Variants in DGLUCY observed in about 807,000 individuals in gnomAD.
The protein encoded by DGLUCY is D-glutamate cyclase, mitochondrial.
Under a neutral mutation model 58.5 loss-of-function variants are expected in DGLUCY, and 58 were observed. That is an observed-to-expected ratio of 0.99 (90% CI 0.80 to 1.23). The LOEUF is 1.23. Among genes scored for constraint, DGLUCY ranks in the 50% most tolerant of loss-of-function variants. The pLI is 0.00. For synonymous variants in DGLUCY, 325 were observed against 314.1 expected (o/e 1.03, Z -0.37); for missense variants, 779 against 784.7 (o/e 0.99, Z 0.09).
At chr14:91,150,608 T>G (rs1016813635) in intron 1 of DGLUCY, among the ~76,000 whole-genome samples, 1 of 151,938 alleles carries the variant, frequency 6.6e-6, no homozygotes, top group African/African-American at 2.4e-5. Flanking sequence ...TGCCAGCTAA[T>G]TTTTTTAGTT....
At chr14:91,207,492 A>G (rs1171418215) in intron 12 of DGLUCY, among the ~76,000 whole-genome samples, 2 of 152,230 alleles carry the variant, frequency 1.3e-5, no homozygotes, top group Non-Finnish European at 2.9e-5. Context: ...TTTCCCCCAT[A>G]TTAATGTCAG....
At chr14:91,104,692 T>C (rs985771555), upstream of DGLUCY, among the ~76,000 whole-genome samples, 22 of 152,196 alleles carry the variant, frequency 1.4e-4, no homozygotes, top group Admixed American at 1.3e-3. Context: ...AGGTTCCTCC[T>C]CTGCCTGACT....
At chr14:91,127,113 G>T (rs1166095066) in intron 1 of DGLUCY, among the ~76,000 whole-genome samples, 2 of 136,736 alleles carry the variant, frequency 1.5e-5, no homozygotes, top group East Asian at 4.3e-4. Context: ...CTGAAGTGCA[G>T]TGGCACAAGT....
chr14:91,214,975 C>A (rs1373967220), intron 12 of DGLUCY, among the ~76,000 whole-genome samples: 1 of 152,036 alleles, frequency 6.6e-6, no homozygotes, highest in African/African-American at 2.4e-5. Context: ...ATGGTGAAAC[C>A]CCGTCCCTTC....
At chr14:91,089,059 T>C (rs997980565) in intron 1 of DGLUCY, among the ~76,000 whole-genome samples, 1 of 152,184 alleles carries the variant, frequency 6.6e-6, no homozygotes, top group African/African-American at 2.4e-5. Flanking sequence ...CTGAAGGAAT[T>C]GTCCATTCCG....
chr14:91,189,631 G>A (rs976100619), intron 9 of DGLUCY, among the ~76,000 whole-genome samples: 4 of 152,136 alleles, frequency 2.6e-5, no homozygotes, highest in East Asian at 1.9e-4. Flanking sequence ...GGAGACGCGA[G>A]GCTGTAATTC....
chr14:91,218,247 A>G (rs1185832741), intron 13 of DGLUCY, among the ~76,000 whole-genome samples: 1 of 152,178 alleles, frequency 6.6e-6, no homozygotes, highest in East Asian at 1.9e-4. Context: ...GCTGCTTCAC[A>G]CATGATTCCT....
At chr14:91,197,970 A>G (rs2050319179) in intron 10 of DGLUCY, among the ~76,000 whole-genome samples, 1 of 152,230 alleles carries the variant, frequency 6.6e-6, no homozygotes, top group Admixed American at 6.5e-5. Context: ...TGGCCATACT[A>G]TTTTATATAG....
intron 1 of DGLUCY, among the ~76,000 whole-genome samples, chr14:91,143,341 C>T (rs1168416846): frequency 6.6e-6 from 1 of 151,974 alleles, no homozygotes; most frequent in African/African-American, 2.4e-5. Flanking sequence ...GTGATCTGCC[C>T]GCCTCTGCCT....
chr14:91,165,442 A>G (rs2048224081), intron 3 of DGLUCY: 1 of 354,322 alleles, frequency 2.8e-6, no homozygotes, highest in South Asian at 2.1e-5. Flanking sequence ...TCAGGATTCA[A>G]GCCCAGGTGT....
chr14:91,187,063 G>A (rs746758994), intron 8 of DGLUCY, among the ~76,000 whole-genome samples: 3 of 151,752 alleles, frequency 2.0e-5, no homozygotes, highest in East Asian at 1.9e-4. Flanking sequence ...GCAGTGGTGC[G>A]ATCTCGGCTC....
At chr14:91,124,857 T>C (rs1459801257) in intron 1 of DGLUCY, among the ~76,000 whole-genome samples, 2 of 152,342 alleles carry the variant, frequency 1.3e-5, no homozygotes, top group Admixed American at 1.3e-4. Context: ...AAGAAATCAA[T>C]GTACTTTAAT....
chr14:91,095,058 G>A (rs148643695), intron 1 of DGLUCY, among the ~76,000 whole-genome samples: 47 of 152,172 alleles, frequency 3.1e-4, no homozygotes, highest in South Asian at 8.3e-4. Context: ...AACTCTAGCC[G>A]TCTCCTCTGG....
intron 11 of DGLUCY, among the ~76,000 whole-genome samples, chr14:91,204,456 G>A (rs1884183870): frequency 6.6e-6 from 1 of 152,158 alleles, no homozygotes; most frequent in Non-Finnish European, 1.5e-5. Context: ...CTCCATCTTT[G>A]CTGGAGAATG....
intron 1 of DGLUCY, among the ~76,000 whole-genome samples, chr14:91,148,207 A>T (rs1566966358): frequency 6.9e-6 from 1 of 145,470 alleles, no homozygotes; most frequent in Non-Finnish European, 1.5e-5. Context: ...CTAACAAAGG[A>T]TTTTTTTTTT....
intron 12 of DGLUCY, among the ~76,000 whole-genome samples, chr14:91,207,954 G>C (rs1885037650): frequency 6.6e-6 from 1 of 151,994 alleles, no homozygotes; most frequent in Admixed American, 6.6e-5. Context: ...CTCCATGTTG[G>C]TCAGGCTGGT....
At chr14:91,067,801 C>T (rs934190240) in intron 1 of DGLUCY, among the ~76,000 whole-genome samples, 1 of 152,150 alleles carries the variant, frequency 6.6e-6, no homozygotes, top group Non-Finnish European at 1.5e-5. Flanking sequence ...CCACCCACCT[C>T]GGCCTCCCAA....
At chr14:91,215,747 T>C (rs907524359) in intron 13 of DGLUCY, 191 bp downstream of exon 13, 3 of 1,456,662 alleles carry the variant, frequency 2.1e-6, no homozygotes, top group Admixed American at 4.8e-5. Context: ...CTGAATCGTG[T>C]GGCAGGCCTG....
intron 12 of DGLUCY, among the ~76,000 whole-genome samples, chr14:91,205,757 TTCTTCTTCTTCTTCTTCTTCTTCTTC>T (rs1567007636): frequency 4.5e-4 from 48 of 107,344 alleles, no homozygotes; most frequent in African/African-American, 2.1e-3. Context: ...GGGCATTCTC[TTCTTCTTCTTCTTCTTCTTCTTCTTC>T]TTCTTCTTCT....
Sources: gnomAD v4.1 joint callset for allele counts (sites outside exome capture counted in the v4.1 genomes callset) on GRCh38, gnomAD v4.1.1 for gene constraint, MANE v1.5 for transcripts, NCBI Gene and HGNC (gene_info 2026-07-23, HGNC 2026-07-21) for gene names.